CPLANE1: variants seen among roughly 807,000 people sequenced by gnomAD.
CPLANE1 encodes the protein ciliogenesis and planar polarity effector complex subunit 1.
In CPLANE1, 263 loss-of-function variants were observed where a neutral mutation model predicts 362.5. That is an observed-to-expected ratio of 0.73 (90% CI 0.66 to 0.80). The LOEUF (loss-of-function observed/expected upper bound fraction) is 0.80. CPLANE1 is among the 30% of genes least tolerant of loss of function. CPLANE1 has a pLI of 0.00. For missense variants in CPLANE1, 3,461 were observed against 3,793.4 expected (o/e 0.91, Z 2.30); for synonymous variants, 1,212 against 1,302.6 (o/e 0.93, Z 1.50).
the CPLANE1 span, among the ~76,000 whole-genome samples, chr5:37,091,246 C>T: frequency 1.3e-5 from 2 of 152,094 alleles, no homozygotes; most frequent in African/African-American, 2.4e-5. Context: ...TACATGTATC[C>T]GTTGATACCA....
intron 50 of CPLANE1, among the ~76,000 whole-genome samples, chr5:37,119,740 C>T (rs1223508296): frequency 6.6e-6 from 1 of 151,402 alleles, no homozygotes; most frequent in Non-Finnish European, 1.5e-5. Context: ...AATCCCAGCA[C>T]TTTGGGAGGC....
Position 37,191,964 on chromosome 5 carries a change from A to G in CPLANE1, c.3811+3894T>C, listed in dbSNP as rs929646183. 7.9e-5 allele frequency among the ~76,000 whole-genome samples: 12 copies of G among 152,322 alleles called. 1 individual carries two copies. In the East Asian group the frequency reaches 2.3e-3, roughly 29 times the overall value. On this transcript the variant is annotated intron_variant, in intron 21 of 52. Coordinates refer to ENST00000651892, the MANE Select transcript of CPLANE1 (RefSeq NM_001384732.1). Reference sequence around the variant, plus strand: ...AGTGTACAGTGTTTATAAAGTCTACAGTAGTGTATAGAAATGTCCGAGGCC... The same window carrying G: ...AGTGTACAGTGTTTATAAAGTCTACGGTAGTGTATAGAAATGTCCGAGGCC...
At chr5:37,110,950 G>A (rs1204860644) in intron 51 of CPLANE1, among the ~76,000 whole-genome samples, 2 of 150,790 alleles carry the variant, frequency 1.3e-5, no homozygotes, top group African/African-American at 2.4e-5. Flanking sequence ...TGGGACTACG[G>A]GCACCCGCCA....
At chr5:37,132,165 T>C (rs1179319429) in intron 46 of CPLANE1, among the ~76,000 whole-genome samples, 2 of 152,052 alleles carry the variant, frequency 1.3e-5, no homozygotes, top group Non-Finnish European at 2.9e-5. Context: ...GGAATCCTTT[T>C]TCGTTTTTGT....
chr5:37,180,246 TG>T, intron 27 of CPLANE1, 63 bp from the exon 28 acceptor site: 1 of 1,188,568 alleles, frequency 8.4e-7, no homozygotes, highest in Non-Finnish European at 1.1e-6. Context: ...AATTCAGTTT[TG>T]GGTTTTTTTT....
At chr5:37,181,103 T>A (rs112346001) in intron 26 of CPLANE1, 98 bp from the exon 27 acceptor site, 4 of 974,642 alleles carry the variant, frequency 4.1e-6, no homozygotes, top group African/African-American at 3.3e-5. Context: ...TTCTGAATAA[T>A]CCTCTTATTC....
chr5:37,242,541 G>C (rs994934632), intron 6 of CPLANE1, among the ~76,000 whole-genome samples: 1 of 152,082 alleles, frequency 6.6e-6, no homozygotes, highest in Non-Finnish European at 1.5e-5. Context: ...ACCATAGCTT[G>C]TCTTATCTTT....
chr5:37,160,711 G>T (rs945702478), intron 38 of CPLANE1, among the ~76,000 whole-genome samples: 33 of 135,678 alleles, frequency 2.4e-4, no homozygotes, highest in Non-Finnish European at 6.1e-5. Context: ...TTGCTCTGTC[G>T]CCCAGGCTGG....
chr5:37,190,814 T>C lies in CPLANE1; in HGVS notation c.3812-2972A>G, dbSNP rs141232760. 4.6e-3 allele frequency among the ~76,000 whole-genome samples: 699 copies of C among 152,318 alleles called. 10 individuals are homozygous for C. Among genetic ancestry groups the C allele is most frequent in the African/African-American group, 0.016 (671 of 41,568 alleles). ...ATAGTCCACACATTACTCAGGTGTTTATGGTGACAACTGTGTAAACACACC... is the reference window on the plus strand; with the variant it reads ...ATAGTCCACACATTACTCAGGTGTTCATGGTGACAACTGTGTAAACACACC... On this transcript the variant is annotated intron_variant, in intron 21 of 52. Coordinates refer to ENST00000651892, the MANE Select transcript of CPLANE1 (RefSeq NM_001384732.1).
At chr5:37,116,726 C>T (rs908120819) in intron 50 of CPLANE1, among the ~76,000 whole-genome samples, 1 of 152,098 alleles carries the variant, frequency 6.6e-6, no homozygotes, top group Non-Finnish European at 1.5e-5. Context: ...AACTCCCAAG[C>T]ATATTCAGAA....
the CPLANE1 span, among the ~76,000 whole-genome samples, chr5:37,092,607 C>A: frequency 6.6e-6 from 1 of 152,142 alleles, no homozygotes; most frequent in Non-Finnish European, 1.5e-5. Context: ...GTCAAGGCAT[C>A]AATCACAGTT....
At chr5:37,176,227 C>A in intron 30 of CPLANE1, 1 of 350,506 alleles carries the variant, frequency 2.9e-6, no homozygotes, top group Non-Finnish European at 5.1e-6. Context: ...GACTGCTCAG[C>A]AATGAAAACA....
rs764283549 is a variant in CPLANE1, at chr5:37,170,173, G to T, written c.6330C>A (p.Asn2110Lys). ...TAAAAAATCTCTCCTTAAGATTTTT[G>T]TTGCTGTCTTCAACATCACCACATC... is the stretch of plus-strand genomic sequence containing the variant. Reference protein sequence around the residue: ...LRGCGDVEDSNKNLKERFFIK... With the variant: ...LRGCGDVEDSKKNLKERFFIK... Residue 2110 changes from asparagine (N) to lysine (K), a missense_variant, in exon 33 of 53, where the codon AAC becomes AAA. Transcript: ENST00000651892. 1 of 1,614,004 alleles carries T rather than the reference G, an allele frequency of 6.2e-7. No individual in the cohort carries two copies. The highest frequency in any genetic ancestry group is 1.3e-5 in the African/African-American group (1 of 74,972).
At chr5:37,097,819 T>C in the CPLANE1 span, among the ~76,000 whole-genome samples, 1 of 152,168 alleles carries the variant, frequency 6.6e-6, no homozygotes, top group Non-Finnish European at 1.5e-5. Flanking sequence ...AGAGGATTCA[T>C]TTCAGGAATG....
chr5:37,087,242 G>C, the CPLANE1 span, among the ~76,000 whole-genome samples: 1 of 152,114 alleles, frequency 6.6e-6, no homozygotes, highest in Non-Finnish European at 1.5e-5. Flanking sequence ...ACAGGTCCCA[G>C]CATCATCTTT....
At chr5:37,113,535 A>G (rs1385292873) in intron 51 of CPLANE1, among the ~76,000 whole-genome samples, 1 of 152,214 alleles carries the variant, frequency 6.6e-6, no homozygotes, top group African/African-American at 2.4e-5. Flanking sequence ...ATTCAAAGTG[A>G]TCCAAACGAC....
rs745644697 is a variant in CPLANE1, at chr5:37,244,564, T to C, written c.381A>G (p.Lys127=). Residue 127 remains lysine (K), a synonymous_variant, in exon 5 of 53, where the codon AAA becomes AAG. Transcript: ENST00000651892. ...RLYLYVSGNG[K]RIVLITPSGC... ...CAGAAGGTGTTATGAGCACAATTCT[T>C]TTCCCATTTCCAGATACATACAAGT... 1.9e-6 allele frequency: 3 copies of C among 1,551,502 alleles called. No individual in the cohort carries two copies. The highest frequency in any genetic ancestry group is 1.2e-5 in the South Asian group (1 of 84,020).
intron 20 of CPLANE1, among the ~76,000 whole-genome samples, chr5:37,197,808 C>A (rs1357961089): frequency 6.6e-6 from 1 of 152,088 alleles, no homozygotes; most frequent in East Asian, 1.9e-4. Context: ...GTTAGGCAAC[C>A]ATCATCACTG....
Position 37,148,280 on chromosome 5 carries a change from A to G in CPLANE1, c.8374-12T>C. On this transcript the variant is annotated splice_polypyrimidine_tract_variant and intron_variant, in intron 42 of 52. Coordinates refer to ENST00000651892, the MANE Select transcript of CPLANE1 (RefSeq NM_001384732.1). ...TCCACTGGTCCAATCTGTAGAAAAAACACACACAACAAAACAACAGTAATA... is the reference window on the plus strand; with the variant it reads ...TCCACTGGTCCAATCTGTAGAAAAAGCACACACAACAAAACAACAGTAATA... 1 of 1,564,886 alleles carries G rather than the reference A, an allele frequency of 6.4e-7. No individual in the cohort carries two copies. The highest frequency in any genetic ancestry group is 8.8e-7 in the Non-Finnish European group (1 of 1,139,634).
Sources: gnomAD v4.1 joint callset for allele counts (sites outside exome capture counted in the v4.1 genomes callset) on GRCh38, gnomAD v4.1.1 for gene constraint, MANE v1.5 for transcripts, NCBI Gene and HGNC (gene_info 2026-07-23, HGNC 2026-07-21) for gene names.